The following LRMDA variants were observed in gnomAD, a reference collection of about 807,000 sequenced individuals.
LRMDA encodes the protein leucine-rich melanocyte differentiation-associated protein.
Under a neutral mutation model 29.8 loss-of-function variants are expected in LRMDA, and 18 were observed. That is an observed-to-expected ratio of 0.60 (90% confidence interval 0.42 to 0.90). LRMDA has a LOEUF of 0.90. LRMDA is among the 40% of genes least tolerant of loss of function. The probability of loss-of-function intolerance (pLI) is 0.00; values close to 1 mark genes in which losing one functional copy is unlikely to be tolerated. For synonymous variants in LRMDA, 125 were observed against 109.4 expected (o/e 1.14, Z -0.89); for missense variants, 273 against 273.9 (o/e 1.00, Z 0.02).
intron 5 of LRMDA, among the ~76,000 whole-genome samples, chr10:76,231,085 C>T (rs35321465): frequency 0.014 from 2,050 of 151,584 alleles, 49 homozygotes; most frequent in African/African-American, 0.047. Context: ...GAGCTGCCTC[C>T]GAGCAAAGGC....
At chr10:75,631,769 G>T (rs1295907674) in intron 2 of LRMDA, among the ~76,000 whole-genome samples, 1 of 152,064 alleles carries the variant, frequency 6.6e-6, no homozygotes, top group African/African-American at 2.4e-5. Context: ...CCATAGATTT[G>T]CAATGAAACA....
Position 75,514,699 on chromosome 10 carries a change from G to A in LRMDA, c.131+76205G>A, listed in dbSNP as rs192788132. On this transcript the variant is annotated intron_variant, in intron 2 of 6. Transcript: ENST00000611255. The stretch of plus-strand genomic sequence containing the variant: ...TCCTCTTGCTCCTTTGTCTTGCCAT[G>A]TGTCAGGCCCTCCTTCGCCTTCTGC... Among the ~76,000 whole-genome samples, 487 of 152,280 alleles carry A rather than the reference G, an allele frequency of 3.2e-3. 3 individuals are homozygous for A. The highest frequency in any genetic ancestry group is 4.7e-3 in the Non-Finnish European group (320 of 68,028).
intron 2 of LRMDA, among the ~76,000 whole-genome samples, chr10:75,666,128 C>G (rs942127576): frequency 2.0e-5 from 3 of 152,090 alleles, no homozygotes; most frequent in Non-Finnish European, 4.4e-5. Context: ...TTATCTTTCA[C>G]TCTAGAAATA....
At chr10:75,561,758 A>G (rs1309418773) in intron 2 of LRMDA, among the ~76,000 whole-genome samples, 161 of 145,938 alleles carry the variant, frequency 1.1e-3, no homozygotes, top group African/African-American at 1.1e-3. Context: ...TTCAAAGAAC[A>G]TCTTTATTTC....
intron 5 of LRMDA, among the ~76,000 whole-genome samples, chr10:76,107,628 T>A (rs1279082389): frequency 6.6e-6 from 1 of 152,212 alleles, no homozygotes; most frequent in Non-Finnish European, 1.5e-5. Context: ...CTGTCTCTGT[T>A]AACACTGTTT....
intron 2 of LRMDA, among the ~76,000 whole-genome samples, chr10:75,705,945 A>G (rs1007679914): frequency 6.6e-5 from 10 of 152,262 alleles, no homozygotes; most frequent in African/African-American, 2.4e-4. Flanking sequence ...TGAGAGAGAA[A>G]TGAAAGAATA....
chr10:75,761,907 C>A (rs1231466523), intron 2 of LRMDA, among the ~76,000 whole-genome samples: 1 of 149,796 alleles, frequency 6.7e-6, no homozygotes, highest in Non-Finnish European at 1.5e-5. Context: ...CTCAAGTGAT[C>A]CCCCCACCTC....
At chr10:76,198,375 C>T (rs912593998) in intron 5 of LRMDA, among the ~76,000 whole-genome samples, 1 of 152,240 alleles carries the variant, frequency 6.6e-6, no homozygotes. Context: ...GAGGAAGAGT[C>T]TTAGCATGTT....
At chr10:75,444,690 T>A (rs1163679673) in intron 2 of LRMDA, among the ~76,000 whole-genome samples, 1 of 152,154 alleles carries the variant, frequency 6.6e-6, no homozygotes. Context: ...CTTTATTTTT[T>A]AAGATAATTT....
intron 2 of LRMDA, among the ~76,000 whole-genome samples, chr10:75,685,634 G>T (rs549109420): frequency 1.3e-5 from 2 of 152,272 alleles, no homozygotes; most frequent in East Asian, 3.9e-4. Context: ...GATTTTGAGG[G>T]GATTGAAGTC....
chr10:75,438,926 G>A (rs1844294642), intron 2 of LRMDA, among the ~76,000 whole-genome samples: 1 of 152,182 alleles, frequency 6.6e-6, no homozygotes, highest in African/African-American at 2.4e-5. Flanking sequence ...CACAGGTAGG[G>A]TGTGTGTATG....
chr10:76,008,280 A>C (rs976056168), intron 2 of LRMDA, among the ~76,000 whole-genome samples: 2 of 152,176 alleles, frequency 1.3e-5, no homozygotes. Flanking sequence ...GCAGGCCTCC[A>C]TGGAGTGATC....
chr10:75,726,753 A>G (rs978599615), intron 2 of LRMDA, among the ~76,000 whole-genome samples: 3 of 152,192 alleles, frequency 2.0e-5, no homozygotes, highest in African/African-American at 7.2e-5. Context: ...CTAATGAGAT[A>G]AGCCGGCCAT....
chr10:76,237,007 A>G (rs1019883542), intron 5 of LRMDA, among the ~76,000 whole-genome samples: 2 of 152,174 alleles, frequency 1.3e-5, no homozygotes, highest in African/African-American at 4.8e-5. Context: ...CTGATTTTTT[A>G]TCAATGATAA....
rs142858484 is a variant in LRMDA at position 75,606,607 on chromosome 10, G to A, written c.131+168113G>A. On this transcript the variant is annotated intron_variant, in intron 2 of 6. Coordinates refer to ENST00000611255, the MANE Select transcript of LRMDA (RefSeq NM_001305581.2). ...CATTTATAGGAGGTGATGGTCTCTT[G>A]GCACAGAAGACTATGTCTCCCAGAG... is the stretch of plus-strand genomic sequence containing the variant. 2.8e-3 allele frequency among the ~76,000 whole-genome samples: 426 copies of A among 152,258 alleles called. 6 individuals carry two copies. The highest frequency in any genetic ancestry group is 1.0e-2 in the African/African-American group (414 of 41,548).
intron 2 of LRMDA, among the ~76,000 whole-genome samples, chr10:75,542,819 G>C (rs1282644890): frequency 6.6e-6 from 1 of 152,198 alleles, no homozygotes; most frequent in Non-Finnish European, 1.5e-5. Flanking sequence ...TTTCAAGATT[G>C]GTTTCGCTTG....
intron 2 of LRMDA, among the ~76,000 whole-genome samples, chr10:75,936,468 C>T (rs1846295209): frequency 6.6e-6 from 1 of 152,124 alleles, no homozygotes; most frequent in Non-Finnish European, 1.5e-5. Flanking sequence ...GGCCTATTTG[C>T]ATATCTATTT....
chr10:76,238,550 T>C (rs1277984598), intron 5 of LRMDA, among the ~76,000 whole-genome samples: 2 of 151,164 alleles, frequency 1.3e-5, no homozygotes, highest in African/African-American at 2.4e-5. Flanking sequence ...ACAGGGCATG[T>C]CCCATGTGGG....
chr10:75,669,400 G>A (rs1331530179), intron 2 of LRMDA, among the ~76,000 whole-genome samples: 1 of 152,134 alleles, frequency 6.6e-6, no homozygotes, highest in African/African-American at 2.4e-5. Flanking sequence ...CCTGTTGTAG[G>A]CTGAGGTTCT....
Sources: gnomAD v4.1 joint callset for allele counts (sites outside exome capture counted in the v4.1 genomes callset) on GRCh38, gnomAD v4.1.1 for gene constraint, MANE v1.5 for transcripts, NCBI Gene and HGNC (gene_info 2026-07-23, HGNC 2026-07-21) for gene names.